Variants in COL4A5 observed in about 807,000 individuals in gnomAD.
COL4A5 encodes the protein collagen alpha-5(IV) chain.
COL4A5 carries 26 observed loss-of-function variants against 130.2 expected under a neutral mutation model. The ratio of observed to expected loss-of-function variants is 0.20; its 90% confidence interval spans 0.15 to 0.28. The LOEUF is 0.28. Among genes scored for constraint, COL4A5 ranks in the 10% least tolerant of loss-of-function variants. The pLI is 1.00. For missense variants in COL4A5, 1,131 were observed against 1,344.3 expected (o/e 0.84, Z 2.48); for synonymous variants, 496 against 439.6 (o/e 1.13, Z -1.60).
intron 4 of COL4A5, among the ~76,000 whole-genome samples, chrX:108,565,745 A>T (rs1264573976): frequency 9.0e-6 from 1 of 111,569 alleles, no homozygotes; most frequent in Non-Finnish European, 1.9e-5. Context: ...TTTCCTCATG[A>T]TGTCATTTAA....
chrX:108,527,286 G>T (rs1300381247), intron 1 of COL4A5, among the ~76,000 whole-genome samples: 2 of 110,670 alleles, frequency 1.8e-5, no homozygotes, highest in Non-Finnish European at 1.9e-5. Context: ...CAATTACTTT[G>T]GGATTAATAC....
At chrX:108,507,123 G>A (rs1300922483) in intron 1 of COL4A5, among the ~76,000 whole-genome samples, 2 of 108,539 alleles carry the variant, frequency 1.8e-5, no homozygotes, top group Non-Finnish European at 3.8e-5. Flanking sequence ...GTACAAAGAA[G>A]GGATGACACT....
chrX:108,674,760 C>G lies in COL4A5; in HGVS notation c.3808+7C>G. 6 of 1,174,666 alleles carry G rather than the reference C, an allele frequency of 5.1e-6. No individual in the cohort carries two copies. Among genetic ancestry groups the G allele is most frequent in the Non-Finnish European group, 5.7e-6 (5 of 873,620 alleles). On this transcript the variant is annotated splice_region_variant and intron_variant, in intron 43 of 52. Transcript: ENST00000328300. The stretch of plus-strand genomic sequence containing the variant: ...ATCTTCCCAGGTTTTCAAGGTTAGA[C>G]TCTTCACTGGTCAATTCTTTTTTTT...
intron 8 of COL4A5, among the ~76,000 whole-genome samples, chrX:108,573,269 T>C (rs961630164): frequency 1.8e-5 from 2 of 111,232 alleles, no homozygotes; most frequent in Non-Finnish European, 3.8e-5. Context: ...AGGCCTTGTT[T>C]ATCTTCTCCA....
At chrX:108,493,541 A>C (rs1210354735) in intron 1 of COL4A5, among the ~76,000 whole-genome samples, 2 of 111,596 alleles carry the variant, frequency 1.8e-5, no homozygotes, top group African/African-American at 6.5e-5. Flanking sequence ...GTTTTTATTT[A>C]CATATCTCAT....
intron 2 of COL4A5, among the ~76,000 whole-genome samples, chrX:108,545,387 C>T (rs1001545033): frequency 9.0e-6 from 1 of 111,195 alleles, no homozygotes; most frequent in African/African-American, 3.3e-5. Flanking sequence ...ATTCAGGAGC[C>T]GGTCGTTCAG....
At chrX:108,530,918 A>C (rs2065376374) in intron 1 of COL4A5, among the ~76,000 whole-genome samples, 1 of 103,049 alleles carries the variant, frequency 9.7e-6, no homozygotes, top group Admixed American at 1.1e-4. Context: ...ACGTATGTTT[A>C]TTGTGGCACT....
At chrX:108,582,563 C>T (rs1442828419) in intron 16 of COL4A5, 1 of 250,881 alleles carries the variant, frequency 4.0e-6, no homozygotes, top group East Asian at 9.0e-5. Context: ...GTGAATAGAG[C>T]AAGTTAAAAT....
At chrX:108,476,269 A>T (rs1031499044) in intron 1 of COL4A5, among the ~76,000 whole-genome samples, 1 of 111,309 alleles carries the variant, frequency 9.0e-6, no homozygotes, top group African/African-American at 3.3e-5. Flanking sequence ...TAATTAAAAA[A>T]GTTTTTGATT....
intron 2 of COL4A5, among the ~76,000 whole-genome samples, chrX:108,544,983 ATTTGATTC>A (rs1171577155): frequency 9.0e-6 from 1 of 111,064 alleles, no homozygotes; most frequent in Non-Finnish European, 1.9e-5. Context: ...TATTGCATCT[ATTTGATTC>A]TTCTCTCTTT....
At chrX:108,526,598 T>TCC (rs1303820264) in intron 1 of COL4A5, among the ~76,000 whole-genome samples, 10 of 16,452 alleles carry the variant, frequency 6.1e-4, no homozygotes, top group African/African-American at 3.1e-3. Flanking sequence ...CCTCCCTCCT[T>TCC]TCTTTCTTTC....
At chrX:108,670,738 G>C in intron 42 of COL4A5, 1 of 327,460 alleles carries the variant, frequency 3.1e-6, no homozygotes, top group Admixed American at 3.1e-5. Context: ...CAATTCTACT[G>C]CTGTTAAAAA....
At chrX:108,469,750 T>C (rs780658211) in intron 1 of COL4A5, among the ~76,000 whole-genome samples, 1 of 112,222 alleles carries the variant, frequency 8.9e-6, no homozygotes, top group South Asian at 3.7e-4. Flanking sequence ...AAATTGTGTG[T>C]AACTGAGGTT....
At chrX:108,483,292 G>A (rs187089695) in intron 1 of COL4A5, among the ~76,000 whole-genome samples, 315 of 109,821 alleles carry the variant, frequency 2.9e-3, no homozygotes, top group African/African-American at 0.01. Flanking sequence ...ATGATCACAA[G>A]GTCCCACAAT....
At chrX:108,668,869 C>T (rs1432233392) in intron 41 of COL4A5, among the ~76,000 whole-genome samples, 1 of 112,168 alleles carries the variant, frequency 8.9e-6, no homozygotes, top group Non-Finnish European at 1.9e-5. Context: ...GTGAGCTTCT[C>T]AGCATGTCAT....
intron 1 of COL4A5, among the ~76,000 whole-genome samples, chrX:108,492,150 G>C (rs1476428916): frequency 9.0e-6 from 1 of 111,197 alleles, no homozygotes; most frequent in African/African-American, 3.3e-5. Context: ...TTATCTTCAG[G>C]GTCTCAACTA....
intron 1 of COL4A5, among the ~76,000 whole-genome samples, chrX:108,522,361 C>T (rs990527880): frequency 2.8e-5 from 3 of 106,368 alleles, no homozygotes; most frequent in African/African-American, 1.0e-4. Context: ...AGGAACTGCC[C>T]GACTTTTATA....
intron 1 of COL4A5, among the ~76,000 whole-genome samples, chrX:108,527,261 A>T (rs1050737509): frequency 8.1e-5 from 9 of 111,067 alleles, no homozygotes; most frequent in Non-Finnish European, 1.5e-4. Flanking sequence ...TGGATGTATT[A>T]AGTATTGTGC....
intron 1 of COL4A5, among the ~76,000 whole-genome samples, chrX:108,519,308 A>T (rs1390289091): frequency 9.0e-6 from 1 of 111,208 alleles, no homozygotes; most frequent in Admixed American, 9.6e-5. Context: ...CAAGTTTATG[A>T]GACTCATGGG....
Sources: gnomAD v4.1 joint callset for allele counts (sites outside exome capture counted in the v4.1 genomes callset) on GRCh38, gnomAD v4.1.1 for gene constraint, MANE v1.5 for transcripts, NCBI Gene and HGNC (gene_info 2026-07-23, HGNC 2026-07-21) for gene names.